The following AGBL1 variants were observed in gnomAD, a reference collection of about 807,000 sequenced individuals.
AGBL1 encodes the protein cytosolic carboxypeptidase 4.
In AGBL1, 130 loss-of-function variants were observed where a neutral mutation model predicts 118.9. That is an observed-to-expected ratio of 1.09 (90% CI 0.95 to 1.26). AGBL1 has a LOEUF of 1.26. Ranked by LOEUF, AGBL1 falls within the 50% of genes most tolerant of loss-of-function variation. The pLI is 0.00. For synonymous variants in AGBL1, 555 were observed against 478.9 expected (o/e 1.16, Z -2.08); for missense variants, 1,584 against 1,298.1 (o/e 1.22, Z -3.38).
At chr15:86,753,699 C>T (rs932158232) in intron 22 of AGBL1, among the ~76,000 whole-genome samples, 5 of 151,958 alleles carry the variant, frequency 3.3e-5, no homozygotes, top group African/African-American at 1.2e-4. Flanking sequence ...CGCCTGGCCT[C>T]AAGGCTGTCT....
At chr15:86,541,449 A>G (rs2083492835) in intron 19 of AGBL1, among the ~76,000 whole-genome samples, 1 of 151,952 alleles carries the variant, frequency 6.6e-6, no homozygotes, top group Admixed American at 6.6e-5. Context: ...AAAATTAGCC[A>G]CGTATGGTGT....
Position 86,727,974 on chromosome 15 carries a change from T to C in AGBL1, c.3158+53538T>C, listed in dbSNP as rs12592521. On this transcript the variant is annotated intron_variant, in intron 22 of 22. Coordinates refer to ENST00000614907, the MANE Select transcript of AGBL1 (RefSeq NM_001386094.1). ...ACTGTGTACCCATAAGCAAAGCTTTTGCAATAGGCAAGTTCCTTGATCTCC... is the reference window on the plus strand; with the variant it reads ...ACTGTGTACCCATAAGCAAAGCTTTCGCAATAGGCAAGTTCCTTGATCTCC... Among the ~76,000 whole-genome samples the C allele has an allele frequency of 2.3e-3, 356 of 152,322 alleles. 10 individuals are homozygous for C. The East Asian group carries it at 0.06, about 26-fold the overall frequency.
chr15:86,985,734 G>A (rs1001290898), intron 23 of AGBL1, among the ~76,000 whole-genome samples: 3 of 151,930 alleles, frequency 2.0e-5, no homozygotes, highest in Non-Finnish European at 2.9e-5. Context: ...TAATTTTAAC[G>A]AAGTCCAACG....
chr15:86,922,816 G>C (rs972647342), intron 23 of AGBL1, among the ~76,000 whole-genome samples: 25 of 152,162 alleles, frequency 1.6e-4, no homozygotes, highest in Admixed American at 1.1e-3. Context: ...CTAGGGAGCA[G>C]TTACCAATGA....
At chr15:86,989,877 G>T (rs913132677) in intron 24 of AGBL1, among the ~76,000 whole-genome samples, 4 of 152,182 alleles carry the variant, frequency 2.6e-5, no homozygotes, top group Non-Finnish European at 4.4e-5. Context: ...ATTGGCAAGC[G>T]CAAAGGCCCT....
At chr15:87,004,730 TATG>T (rs1390737705) in intron 24 of AGBL1, among the ~76,000 whole-genome samples, 1 of 152,208 alleles carries the variant, frequency 6.6e-6, no homozygotes, top group Non-Finnish European at 1.5e-5. Context: ...ATCCTGTCAT[TATG>T]ATGTTAGCTG....
At chr15:86,636,713 A>ATATATG (rs1241957602) in intron 21 of AGBL1, among the ~76,000 whole-genome samples, 2 of 18,606 alleles carry the variant, frequency 1.1e-4, no homozygotes, top group East Asian at 0.011. Flanking sequence ...ATATATATAT[A>ATATATG]TATATATATA....
At chr15:86,236,343 CTTTTT>C (rs10531800) in intron 6 of AGBL1, among the ~76,000 whole-genome samples, 28,209 of 143,650 alleles carry the variant, frequency 0.2, 3,036 homozygotes, top group East Asian at 0.35. Flanking sequence ...GAAACTACTA[CTTTTT>C]TTTTTTTTTT....
chr15:86,082,189 T>C (rs1390413878), intron 1 of AGBL1, among the ~76,000 whole-genome samples: 1 of 152,212 alleles, frequency 6.6e-6, no homozygotes, highest in African/African-American at 2.4e-5. Flanking sequence ...CCAGAACATA[T>C]ATTCTGTGGA....
At chr15:86,979,946 A>G (rs75749866) in intron 23 of AGBL1, among the ~76,000 whole-genome samples, 1 of 152,134 alleles carries the variant, frequency 6.6e-6, no homozygotes, top group Non-Finnish European at 1.5e-5. Flanking sequence ...GGGATCCACT[A>G]AGAGACTTTT....
At chr15:86,925,099 CAAGAAGAAG>C (rs71144081) in intron 23 of AGBL1, among the ~76,000 whole-genome samples, 1,427 of 121,714 alleles carry the variant, frequency 0.012, 50 homozygotes, top group African/African-American at 0.043. Context: ...GAGACTCTGT[CAAGAAGAAG>C]AAGAAGAAGA....
At chr15:86,131,178 T>A (rs2076814067) in intron 1 of AGBL1, among the ~76,000 whole-genome samples, 1 of 152,206 alleles carries the variant, frequency 6.6e-6, no homozygotes, top group Non-Finnish European at 1.5e-5. Context: ...TATTTCTTAA[T>A]CATCAAGCTG....
chr15:86,258,162 C>A, intron 9 of AGBL1, 131 bp downstream of exon 9: 1 of 830,848 alleles, frequency 1.2e-6, no homozygotes, highest in Non-Finnish European at 1.9e-6. Context: ...CTCCAGTGGT[C>A]GTGATGCGCA....
chr15:86,422,535 A>C (rs2081805895), intron 18 of AGBL1, among the ~76,000 whole-genome samples: 1 of 152,204 alleles, frequency 6.6e-6, no homozygotes, highest in African/African-American at 2.4e-5. Context: ...ATAATTAAGG[A>C]ACTAGAGAAG....
At chr15:87,011,494 T>C (rs2081559534) in intron 24 of AGBL1, among the ~76,000 whole-genome samples, 2 of 152,232 alleles carry the variant, frequency 1.3e-5, no homozygotes, top group South Asian at 2.1e-4. Context: ...AAGAGATAAA[T>C]TACTTGGTAA....
chr15:87,006,641 G>A (rs947173422), intron 24 of AGBL1, among the ~76,000 whole-genome samples: 3 of 152,136 alleles, frequency 2.0e-5, no homozygotes, highest in African/African-American at 4.8e-5. Context: ...TGCACTTCCC[G>A]GGTGAGGCAA....
chr15:86,792,936 C>T (rs922160238), intron 22 of AGBL1, among the ~76,000 whole-genome samples: 1 of 152,054 alleles, frequency 6.6e-6, no homozygotes, highest in East Asian at 1.9e-4. Flanking sequence ...CAGTCCCATT[C>T]TATACATATT....
chr15:86,291,073 C>T (rs1172995909), intron 16 of AGBL1, among the ~76,000 whole-genome samples: 1 of 152,118 alleles, frequency 6.6e-6, no homozygotes, highest in Admixed American at 6.6e-5. Context: ...GCCACATTTT[C>T]TTAATCCAGA....
chr15:86,626,504 G>T (rs2084889050), intron 21 of AGBL1, among the ~76,000 whole-genome samples: 1 of 152,140 alleles, frequency 6.6e-6, no homozygotes, highest in Non-Finnish European at 1.5e-5. Flanking sequence ...CTTTTTGGAG[G>T]CTGCAAGGTG....
Sources: allele counts gnomAD v4.1 joint callset (sites outside exome capture counted in the v4.1 genomes callset), GRCh38; gene constraint gnomAD v4.1.1; transcripts MANE v1.5; gene names NCBI Gene and HGNC (gene_info 2026-07-23, HGNC 2026-07-21).